CDH12: variants seen among roughly 807,000 people sequenced by gnomAD.
CDH12 encodes the protein cadherin 12.
In CDH12, 41 loss-of-function variants were observed where a neutral mutation model predicts 74.1. The ratio of observed to expected loss-of-function variants is 0.55; its 90% CI spans 0.43 to 0.72. CDH12 has a LOEUF of 0.72. Among genes scored for constraint, CDH12 ranks in the 30% least tolerant of loss-of-function variants. CDH12 has a pLI of 0.00. For missense variants in CDH12, 945 were observed against 977.2 expected (o/e 0.97, Z 0.44); for synonymous variants, 399 against 355.0 (o/e 1.12, Z -1.39).
At chr5:22,477,238 C>G (rs1746204304) in intron 2 of CDH12, among the ~76,000 whole-genome samples, 1 of 152,138 alleles carries the variant, frequency 6.6e-6, no homozygotes, top group Admixed American at 6.5e-5. Context: ...AATGCTTTCC[C>G]TCCTCTCACC....
chr5:22,108,464 T>A (rs1334502766), intron 4 of CDH12, among the ~76,000 whole-genome samples: 1 of 152,218 alleles, frequency 6.6e-6, no homozygotes, highest in Non-Finnish European at 1.5e-5. Flanking sequence ...ATGAAGAGTA[T>A]AGTAGAAGGA....
At chr5:22,241,097 A>C (rs960118918) in intron 3 of CDH12, among the ~76,000 whole-genome samples, 11 of 152,200 alleles carry the variant, frequency 7.2e-5, no homozygotes, top group African/African-American at 2.2e-4. Flanking sequence ...GTGTTTAAAA[A>C]ATGCACACAT....
chr5:22,795,391 A>G (rs1466296787), intron 1 of CDH12, among the ~76,000 whole-genome samples: 1 of 152,094 alleles, frequency 6.6e-6, no homozygotes, highest in Admixed American at 6.6e-5. Flanking sequence ...TAAGCCTCCC[A>G]TAGTCCTAAA....
intron 4 of CDH12, among the ~76,000 whole-genome samples, chr5:22,187,663 AAG>A (rs754642281): frequency 0.066 from 9,639 of 145,392 alleles, 512 homozygotes; most frequent in South Asian, 0.15. Context: ...GGAAAAAAAA[AAG>A]AAAGAAAGAA....
intron 5 of CDH12, among the ~76,000 whole-genome samples, chr5:21,995,031 C>T (rs1329638973): frequency 3.3e-5 from 5 of 152,118 alleles, no homozygotes; most frequent in African/African-American, 1.2e-4. Context: ...AGCTGTAACA[C>T]TCACGGTGAG....
At chr5:22,087,243 A>T (rs764024807) in intron 4 of CDH12, among the ~76,000 whole-genome samples, 9 of 152,178 alleles carry the variant, frequency 5.9e-5, no homozygotes, top group African/African-American at 4.8e-5. Flanking sequence ...CTAATATAAG[A>T]TGTACAGAAG....
chr5:22,454,195 T>C (rs1561416295), intron 2 of CDH12, among the ~76,000 whole-genome samples: 1 of 152,208 alleles, frequency 6.6e-6, no homozygotes, highest in Non-Finnish European at 1.5e-5. Flanking sequence ...ATCAAAAATC[T>C]TCATTAGCTT....
intron 4 of CDH12, among the ~76,000 whole-genome samples, chr5:22,094,453 C>A (rs929076316): frequency 6.6e-6 from 1 of 152,002 alleles, no homozygotes; most frequent in African/African-American, 2.4e-5. Flanking sequence ...GAAAATGAAG[C>A]TGAGTTTAGC....
chr5:21,838,887 A>G (rs1362285423), intron 8 of CDH12, among the ~76,000 whole-genome samples: 7 of 152,182 alleles, frequency 4.6e-5, no homozygotes, highest in African/African-American at 1.4e-4. Context: ...ATCCATACCC[A>G]CATGGATTGC....
intron 5 of CDH12, among the ~76,000 whole-genome samples, chr5:22,034,497 G>T (rs1054249142): frequency 4.6e-5 from 7 of 152,152 alleles, no homozygotes; most frequent in African/African-American, 1.2e-4. Context: ...ACTAGGAACT[G>T]TGGAGACATA....
At chr5:22,217,274 G>T (rs1751839312) in intron 3 of CDH12, among the ~76,000 whole-genome samples, 1 of 151,686 alleles carries the variant, frequency 6.6e-6, no homozygotes, top group South Asian at 2.1e-4. Flanking sequence ...TTATTTTATT[G>T]CAACTAGAAT....
chr5:21,894,848 CCTTGT>C (rs1170705940), intron 6 of CDH12, among the ~76,000 whole-genome samples: 5 of 151,986 alleles, frequency 3.3e-5, no homozygotes, highest in Non-Finnish European at 7.4e-5. Context: ...TCTCTGGATA[CCTTGT>C]GACTGCTCCT....
intron 8 of CDH12, among the ~76,000 whole-genome samples, chr5:21,829,249 G>A (rs546008975): frequency 1.3e-5 from 2 of 152,242 alleles, no homozygotes; most frequent in Admixed American, 6.5e-5. Flanking sequence ...GAGCCAAATC[G>A]TGCCACTGCA....
intron 11 of CDH12, among the ~76,000 whole-genome samples, chr5:21,776,963 A>G (rs1243150106): frequency 2.0e-5 from 3 of 152,204 alleles, no homozygotes; most frequent in Admixed American, 2.0e-4. Context: ...TATTTTTTCA[A>G]TATTTCAAAA....
chr5:22,227,837 G>T (rs565798142), intron 3 of CDH12, among the ~76,000 whole-genome samples: 1 of 152,084 alleles, frequency 6.6e-6, no homozygotes, highest in African/African-American at 2.4e-5. Context: ...TGGAAACAGA[G>T]TAATTCCAAT....
At chr5:22,383,421 T>C (rs1741853160) in intron 3 of CDH12, among the ~76,000 whole-genome samples, 1 of 152,202 alleles carries the variant, frequency 6.6e-6, no homozygotes, top group Non-Finnish European at 1.5e-5. Flanking sequence ...TCATTTATTG[T>C]GGTTAATAAA....
chr5:22,096,023 G>A (rs1445270008), intron 4 of CDH12, among the ~76,000 whole-genome samples: 5 of 151,580 alleles, frequency 3.3e-5, no homozygotes, highest in African/African-American at 1.2e-4. Context: ...TTTCTGGAGG[G>A]TAAGAACCCC....
intron 2 of CDH12, among the ~76,000 whole-genome samples, chr5:22,493,908 A>G (rs1746993005): frequency 6.6e-6 from 1 of 152,138 alleles, no homozygotes; most frequent in Non-Finnish European, 1.5e-5. Flanking sequence ...AAACAAAAGG[A>G]ATCTGACACA....
At chr5:22,626,700 C>T (rs1738317173) in intron 1 of CDH12, among the ~76,000 whole-genome samples, 1 of 152,144 alleles carries the variant, frequency 6.6e-6, no homozygotes, top group African/African-American at 2.4e-5. Context: ...GTCTTCTTAC[C>T]TCTGAATGAC....
Sources: allele counts gnomAD v4.1 joint callset (sites outside exome capture counted in the v4.1 genomes callset), GRCh38; gene constraint gnomAD v4.1.1; transcripts MANE v1.5; gene names NCBI Gene and HGNC (gene_info 2026-07-23, HGNC 2026-07-21).